Variants in SCD5 observed in about 807,000 individuals in gnomAD.
The protein encoded by SCD5 is acyl-CoA-desaturase 4.
A neutral mutation model predicts 30.4 loss-of-function variants in SCD5; 20 were observed. The ratio of observed to expected loss-of-function variants is 0.66; its 90% CI spans 0.46 to 0.96. The LOEUF (loss-of-function observed/expected upper bound fraction) is 0.96, where lower values mean the gene tolerates loss of function less well. Among genes scored for constraint, SCD5 ranks in the 40% least tolerant of loss-of-function variants. The pLI, the probability that SCD5 is intolerant of heterozygous loss-of-function variation, is 0.00. For synonymous variants in SCD5, 173 were observed against 176.4 expected (o/e 0.98, Z 0.16); for missense variants, 381 against 443.3 (o/e 0.86, Z 1.26).
At position 82,771,025 on chromosome 4, in the gene SCD5, G is replaced by A. The variant is rs187569010; in HGVS notation, c.232+27281C>T. On this transcript the variant is annotated intron_variant, in intron 1 of 4. Transcript: ENST00000319540. The stretch of plus-strand genomic sequence containing the variant: ...CTGTCACCCAGCCTGGAGTGCAGTG[G>A]CACAATCACTGCTCACTGCAGCCTC... Among the ~76,000 whole-genome samples the A allele has an allele frequency of 2.4e-4, 37 of 152,292 alleles. No homozygotes were observed. In the East Asian group the frequency reaches 6.7e-3, roughly 28 times the overall value.
chr4:82,636,164 T>C (rs761105457), intron 4 of SCD5, among the ~76,000 whole-genome samples: 3 of 151,924 alleles, frequency 2.0e-5, no homozygotes, highest in Non-Finnish European at 2.9e-5. Context: ...ACATGACTTG[T>C]CCAAGAGTCA....
intron 3 of SCD5, chr4:82,660,356 C>T (rs1345949671): frequency 7.3e-6 from 5 of 683,922 alleles, no homozygotes; most frequent in Non-Finnish European, 9.1e-6. Context: ...CACCCCAAAT[C>T]AACTGAATAT....
chr4:82,693,569 A>AAATC (rs2148824697), intron 2 of SCD5, among the ~76,000 whole-genome samples: 1 of 152,246 alleles, frequency 6.6e-6, no homozygotes, highest in South Asian at 2.1e-4. Context: ...ATAAATAAAT[A>AAATC]AATAAATCAG....
chr4:82,752,632 T>C (rs2903896), intron 1 of SCD5, among the ~76,000 whole-genome samples: 120,807 of 151,970 alleles, frequency 0.79, 48,194 homozygotes, highest in Non-Finnish European at 0.83. Context: ...ACAATATCTG[T>C]CCCTTTTCCT....
At chr4:82,734,955 G>C (rs1455213449) in intron 1 of SCD5, among the ~76,000 whole-genome samples, 1 of 151,698 alleles carries the variant, frequency 6.6e-6, no homozygotes, top group Non-Finnish European at 1.5e-5. Context: ...TTTTAGTAGA[G>C]ATGGGGTTTC....
At chr4:82,782,353 T>G (rs1184228573) in intron 1 of SCD5, among the ~76,000 whole-genome samples, 1 of 151,932 alleles carries the variant, frequency 6.6e-6, no homozygotes, top group Non-Finnish European at 1.5e-5. Flanking sequence ...ACAGCGGAAA[T>G]CCAGAAATAC....
chr4:82,790,898 C>T (rs1434575819), intron 1 of SCD5, among the ~76,000 whole-genome samples: 1 of 152,118 alleles, frequency 6.6e-6, no homozygotes, highest in African/African-American at 2.4e-5. Flanking sequence ...AATCACCACC[C>T]AAGTGATTCT....
intron 3 of SCD5, among the ~76,000 whole-genome samples, chr4:82,675,850 T>A (rs992829191): frequency 1.3e-4 from 20 of 152,350 alleles, no homozygotes; most frequent in Admixed American, 3.3e-4. Flanking sequence ...AGATGACAAA[T>A]CGCTCTGCTT....
intron 3 of SCD5, among the ~76,000 whole-genome samples, chr4:82,642,734 T>G (rs1473535023): frequency 6.6e-6 from 1 of 152,212 alleles, no homozygotes; most frequent in African/African-American, 2.4e-5. Flanking sequence ...TAGAATAAAT[T>G]GGGGAACATT....
intron 1 of SCD5, among the ~76,000 whole-genome samples, chr4:82,781,124 G>T (rs575551411): frequency 6.6e-6 from 1 of 152,160 alleles, no homozygotes; most frequent in Non-Finnish European, 1.5e-5. Context: ...AAAGAAAAAA[G>T]GACTTGAGGG....
intron 3 of SCD5, 111 bp downstream of exon 3, chr4:82,680,596 G>A (rs1728545841): frequency 1.0e-6 from 1 of 975,820 alleles, no homozygotes; most frequent in African/African-American, 1.6e-5. Context: ...TGGCAAAATT[G>A]TTAGGGCAAA....
intron 1 of SCD5, among the ~76,000 whole-genome samples, chr4:82,706,047 C>T (rs1719961778): frequency 6.6e-6 from 1 of 152,144 alleles, no homozygotes; most frequent in Non-Finnish European, 1.5e-5. Context: ...AAAAGCAAAA[C>T]ACAAACAACA....
intron 1 of SCD5, among the ~76,000 whole-genome samples, chr4:82,769,180 G>A (rs938331505): frequency 1.3e-5 from 2 of 152,102 alleles, no homozygotes; most frequent in African/African-American, 2.4e-5. Flanking sequence ...AGTCTAGAGT[G>A]AAGATCTCTG....
chr4:82,776,391 C>T (rs193132639), intron 1 of SCD5, among the ~76,000 whole-genome samples: 14 of 152,270 alleles, frequency 9.2e-5, no homozygotes, highest in Admixed American at 9.2e-4. Flanking sequence ...GTCAATTTGA[C>T]CTGACCGAGT....
In SCD5 at chr4:82,712,312, AT is replaced by A. The variant is rs1163327880; in HGVS notation, c.233-6900del. 1.4e-3 allele frequency among the ~76,000 whole-genome samples: 33 copies of A among 22,832 alleles called. 9 individuals are homozygous for A. The highest frequency in any genetic ancestry group is 2.9e-3 in the African/African-American group (28 of 9,810). 15.0% of individuals were successfully genotyped at this position (22,832 alleles called of 152,430 possible). A position where few individuals can be genotyped will look rare whatever the true frequency, so the allele number is the denominator to read the frequency against. The stretch of plus-strand genomic sequence containing the variant: ...TATATATATATTTTATTTTTATTTT[AT>A]TTTTTTTTTTTGAGATGAAGTCTCG... On this transcript the variant is annotated intron_variant, in intron 1 of 4. Transcript: ENST00000319540.
chr4:82,692,048 A>G (rs1490569818), intron 2 of SCD5: 1 of 152,502 alleles, frequency 6.6e-6, no homozygotes, highest in Non-Finnish European at 1.5e-5. Context: ...GGAGCTAAGC[A>G]TAAAATCCTT....
At chr4:82,764,066 T>C (rs1027722405) in intron 1 of SCD5, among the ~76,000 whole-genome samples, 7 of 152,250 alleles carry the variant, frequency 4.6e-5, no homozygotes, top group African/African-American at 1.4e-4. Context: ...CAGCATATCA[T>C]TGGGCCTCAC....
Position 82,667,087 on chromosome 4 carries a change from G to A in SCD5, c.569+13620C>T, listed in dbSNP as rs1261898870. Among the ~76,000 whole-genome samples, 3 of 152,184 alleles carry A rather than the reference G, an allele frequency of 2.0e-5. No individual in the cohort carries two copies. In the East Asian group the frequency reaches 5.8e-4, roughly 29 times the overall value. ...ATTAAGTTAATATTTACAAACAGCA[G>A]TCCCAGAATCCATTGACACCTGTTG... is the stretch of plus-strand genomic sequence containing the variant. On this transcript the variant is annotated intron_variant, in intron 3 of 4. Transcript: ENST00000319540.
intron 3 of SCD5, among the ~76,000 whole-genome samples, chr4:82,659,421 T>C (rs1727937404): frequency 6.6e-6 from 1 of 152,188 alleles, no homozygotes; most frequent in Non-Finnish European, 1.5e-5. Flanking sequence ...AATTGTGATA[T>C]TAGGATGTCA....
Sources: gnomAD v4.1 joint callset for allele counts (sites outside exome capture counted in the v4.1 genomes callset) on GRCh38, gnomAD v4.1.1 for gene constraint, MANE v1.5 for transcripts, NCBI Gene and HGNC (gene_info 2026-07-23, HGNC 2026-07-21) for gene names.